The following CCDC191 variants were observed in gnomAD, a reference collection of about 807,000 sequenced individuals.
CCDC191 encodes the protein coiled-coil domain containing 191.
Under a neutral mutation model 114.0 loss-of-function variants are expected in CCDC191, and 99 were observed. The observed-to-expected ratio is 0.87, with a 90% confidence interval of 0.74 to 1.03. The LOEUF (loss-of-function observed/expected upper bound fraction) is 1.03, where lower values mean the gene tolerates loss of function less well. Among genes scored for constraint, CCDC191 ranks in the 50% least tolerant of loss-of-function variants. The probability of loss-of-function intolerance (pLI) is 0.00; values close to 1 mark genes in which losing one functional copy is unlikely to be tolerated. For missense variants in CCDC191, 973 were observed against 1,087.0 expected, an observed-to-expected ratio of 0.90 and a Z score of 1.47; for synonymous variants, 351 against 376.0, an observed-to-expected ratio of 0.93 and a Z score of 0.77.
chr3:114,041,805 A>G (rs1315600987), intron 4 of CCDC191, among the ~76,000 whole-genome samples: 1 of 152,166 alleles, frequency 6.6e-6, no homozygotes, highest in Non-Finnish European at 1.5e-5. Context: ...CAGGGAAAAA[A>G]TACTCAGACC....
At chr3:114,024,521 TA>T (rs1482597519) in intron 7 of CCDC191, among the ~76,000 whole-genome samples, 2 of 152,138 alleles carry the variant, frequency 1.3e-5, no homozygotes, top group African/African-American at 2.4e-5. Context: ...TATGCAGCCA[TA>T]AAAAATGATG....
intron 13 of CCDC191, among the ~76,000 whole-genome samples, chr3:114,000,345 T>C (rs1377538309): frequency 1.3e-5 from 2 of 152,184 alleles, no homozygotes; most frequent in Non-Finnish European, 2.9e-5. Flanking sequence ...CTCTTGCTCT[T>C]TGACTGAGAT....
intron 3 of CCDC191, among the ~76,000 whole-genome samples, chr3:114,043,872 G>C (rs1428850879): frequency 6.6e-6 from 1 of 152,066 alleles, no homozygotes; most frequent in Non-Finnish European, 1.5e-5. Flanking sequence ...TAATGGACTG[G>C]ATATAGGACA....
intron 11 of CCDC191, chr3:114,002,997 T>C (rs2075883218): frequency 1.0e-6 from 1 of 985,332 alleles, no homozygotes. Context: ...TGTCTGTATA[T>C]ATAAGAATAA....
chr3:114,025,273 A>C (rs3796248), intron 7 of CCDC191, among the ~76,000 whole-genome samples: 18 of 151,324 alleles, frequency 1.2e-4, no homozygotes, highest in Admixed American at 1.1e-3. Context: ...AAAAAAAAAA[A>C]CAAAACCCAA....
chr3:114,041,281 G>A (rs2076556048), intron 4 of CCDC191, among the ~76,000 whole-genome samples: 1 of 152,130 alleles, frequency 6.6e-6, no homozygotes, highest in African/African-American at 2.4e-5. Flanking sequence ...AAACCATGTG[G>A]TATAAAAAAA....
At chr3:113,976,306 CAGAG>C (rs1013051623) in intron 16 of CCDC191, among the ~76,000 whole-genome samples, 48 of 151,068 alleles carry the variant, frequency 3.2e-4, no homozygotes, top group African/African-American at 4.6e-4. Flanking sequence ...ACAAAAAAGA[CAGAG>C]GGAGAATTAG....
Position 114,005,709 on chromosome 3 carries a change from T to C in CCDC191, c.1667A>G (p.His556Arg), listed in dbSNP as rs1357331641. ...CTCAATCAGCTGTTGCTGGAAGACA[T>C]GGCGGTTGTGGAAATGACCCAAGCA... is the stretch of plus-strand genomic sequence containing the variant. ...PLCLGHFHNR[H>R]VFQQQLIEKQ... The change falls in exon 10 of 17, where the codon CAT becomes CGT. Residue 556 changes from histidine to arginine, a missense_variant. Transcript: ENST00000295878. 2 of 1,614,008 alleles carry C rather than the reference T, an allele frequency of 1.2e-6. No homozygotes were observed. The highest frequency in any genetic ancestry group is 1.3e-5 in the African/African-American group (1 of 74,914).
At chr3:113,979,064 A>G (rs1658705409) in intron 14 of CCDC191, 54 bp from the exon 15 acceptor site, 1 of 1,515,184 alleles carries the variant, frequency 6.6e-7, no homozygotes, top group African/African-American at 1.4e-5. Flanking sequence ...AATCATTTAA[A>G]CAAACACATC....
At chr3:113,980,232 A>T (rs146316730) in intron 14 of CCDC191, among the ~76,000 whole-genome samples, 4 of 152,196 alleles carry the variant, frequency 2.6e-5, no homozygotes, top group African/African-American at 7.2e-5. Context: ...ACCTGAACTC[A>T]ATCCACAACT....
chr3:114,017,663 A>G (rs2076181490), intron 8 of CCDC191, among the ~76,000 whole-genome samples: 1 of 152,144 alleles, frequency 6.6e-6, no homozygotes, highest in African/African-American at 2.4e-5. Context: ...ATTTCTCCCC[A>G]ACCCCTAAGT....
chr3:114,010,793 A>T lies in CCDC191; in HGVS notation c.1392T>A (p.Gly464=). 1.2e-6 allele frequency: 2 copies of T among 1,611,580 alleles called. No individual in the cohort carries two copies. Among genetic ancestry groups the T allele is most frequent in the Non-Finnish European group, 1.7e-6 (2 of 1,178,552 alleles). Residue 464 remains glycine (G), a synonymous_variant, in exon 9 of 17, where the codon GGT becomes GGA. Coordinates refer to ENST00000295878, the MANE Select transcript of CCDC191 (RefSeq NM_020817.2). ...SLPEEATAMV[G]PPVKNGQETA... ...GTACCTGTCCATTTTTTACTGGTGG[A>T]CCCACCATGGCTGTTGCCTCCTCAG...
At chr3:113,990,667 T>A (rs1420069810) in intron 13 of CCDC191, among the ~76,000 whole-genome samples, 2 of 151,460 alleles carry the variant, frequency 1.3e-5, no homozygotes, top group African/African-American at 4.8e-5. Flanking sequence ...GTTTCACCAG[T>A]GAATTCTACC....
chr3:113,969,884 G>A (rs1940625449), intron 16 of CCDC191, among the ~76,000 whole-genome samples: 1 of 152,138 alleles, frequency 6.6e-6, no homozygotes, highest in African/African-American at 2.4e-5. Context: ...TTTCCGTGAA[G>A]AATGTTGTTG....
At chr3:114,010,111 A>AT (rs201846864) in intron 9 of CCDC191, among the ~76,000 whole-genome samples, 13 of 150,178 alleles carry the variant, frequency 8.7e-5, no homozygotes, top group East Asian at 1.9e-4. Context: ...TGAAAACGTA[A>AT]TTTTTTTTTT....
At chr3:113,972,215 A>C (rs1295956265) in intron 16 of CCDC191, among the ~76,000 whole-genome samples, 1 of 152,054 alleles carries the variant, frequency 6.6e-6, no homozygotes, top group African/African-American at 2.4e-5. Context: ...TATTGCTATA[A>C]ACTTCTCTCT....
chr3:114,019,836 C>T (rs951876788), intron 7 of CCDC191, among the ~76,000 whole-genome samples: 4 of 152,134 alleles, frequency 2.6e-5, no homozygotes, highest in South Asian at 4.1e-4. Flanking sequence ...TGTTACCAAT[C>T]CCTCTACCCA....
intron 13 of CCDC191, among the ~76,000 whole-genome samples, chr3:113,988,878 C>G (rs2075461619): frequency 6.6e-6 from 1 of 151,970 alleles, no homozygotes; most frequent in Non-Finnish European, 1.5e-5. Flanking sequence ...ACTGCAAGCT[C>G]CGCCTCCCGG....
intron 16 of CCDC191, among the ~76,000 whole-genome samples, chr3:113,968,049 G>A (rs1404729725): frequency 1.3e-5 from 2 of 152,118 alleles, no homozygotes; most frequent in Non-Finnish European, 2.9e-5. Context: ...GGGTGCTCAG[G>A]TTGATTCCAT....
Sources: gnomAD v4.1 joint callset for allele counts (sites outside exome capture counted in the v4.1 genomes callset) on GRCh38, gnomAD v4.1.1 for gene constraint, MANE v1.5 for transcripts, NCBI Gene and HGNC (gene_info 2026-07-23, HGNC 2026-07-21) for gene names.